CBFA2T2: variants seen among roughly 807,000 people sequenced by gnomAD.
The protein encoded by CBFA2T2 is protein CBFA2T2.
A neutral mutation model predicts 62.2 loss-of-function variants in CBFA2T2; 11 were observed. That is an observed-to-expected ratio of 0.18 (90% CI 0.11 to 0.29). The LOEUF (loss-of-function observed/expected upper bound fraction) is 0.29, where lower values mean the gene tolerates loss of function less well. Among genes scored for constraint, CBFA2T2 ranks in the 10% least tolerant of loss-of-function variants. CBFA2T2 has a pLI of 1.00. For synonymous variants in CBFA2T2, 295 were observed against 287.5 expected (o/e 1.03, Z -0.27); for missense variants, 592 against 774.1 (o/e 0.76, Z 2.79).
chr20:33,553,527 C>T (rs1271328068), intron 1 of CBFA2T2, among the ~76,000 whole-genome samples: 1 of 152,230 alleles, frequency 6.6e-6, no homozygotes, highest in Non-Finnish European at 1.5e-5. Flanking sequence ...CCACCATGCC[C>T]AGCCAGAGTT....
At chr20:33,513,308 G>A (rs574530532) in intron 1 of CBFA2T2, among the ~76,000 whole-genome samples, 6 of 151,524 alleles carry the variant, frequency 4.0e-5, no homozygotes, top group East Asian at 1.9e-4. Flanking sequence ...GCATACAGTC[G>A]TGAAGAAAAC....
chr20:33,576,285 A>G (rs1331636244), intron 1 of CBFA2T2, among the ~76,000 whole-genome samples: 1 of 152,120 alleles, frequency 6.6e-6, no homozygotes, highest in Non-Finnish European at 1.5e-5. Context: ...CTTAATATCT[A>G]GCAGAGGTCT....
At chr20:33,610,911 G>T (rs1459829620) in intron 2 of CBFA2T2, among the ~76,000 whole-genome samples, 183 bp from the exon 3 acceptor site, 2 of 152,094 alleles carry the variant, frequency 1.3e-5, no homozygotes, top group African/African-American at 2.4e-5. Context: ...ACGCTCCAGT[G>T]TTACTCTGTT....
At chr20:33,508,392 G>A (rs1312728108) in intron 1 of CBFA2T2, among the ~76,000 whole-genome samples, 3 of 152,052 alleles carry the variant, frequency 2.0e-5, no homozygotes, top group Admixed American at 1.3e-4. Context: ...ACTGCACCCC[G>A]CCTGCCTTTG....
chr20:33,603,307 G>A (rs1299661092), intron 1 of CBFA2T2, among the ~76,000 whole-genome samples: 2 of 152,098 alleles, frequency 1.3e-5, no homozygotes. Context: ...TCTGTTTTCT[G>A]TTTTCAGGAT....
At chr20:33,614,807 A>G (rs1018007590) in intron 3 of CBFA2T2, among the ~76,000 whole-genome samples, 12 of 152,174 alleles carry the variant, frequency 7.9e-5, no homozygotes, top group Admixed American at 3.3e-4. Flanking sequence ...TAATTCCCCA[A>G]TGGACACATG....
In CBFA2T2 at chr20:33,634,670, C is replaced by CAAA. The variant is rs758089440; in HGVS notation, c.1229-1946_1229-1944dup. ...GGGCAACAGAGCAAGACCCTATGTC[C>CAAA]AAAAAAAAAAAAAAAAAAAAAAAAA... On this transcript the variant is annotated intron_variant, in intron 8 of 10. Transcript: ENST00000342704. 2.2e-3 allele frequency among the ~76,000 whole-genome samples: 107 copies of CAAA among 47,914 alleles called. 5 individuals carry two copies. The highest frequency in any genetic ancestry group is 4.1e-3 in the African/African-American group (77 of 18,830). 31.4% of individuals were successfully genotyped at this position (47,914 alleles called of 152,430 possible).
At chr20:33,547,355 C>T (rs868861829) in intron 1 of CBFA2T2, among the ~76,000 whole-genome samples, 5 of 151,896 alleles carry the variant, frequency 3.3e-5, no homozygotes, top group Admixed American at 2.0e-4. Context: ...GATTGGGTCA[C>T]AGCACTCCAG....
chr20:33,575,722 C>T (rs2013791176), intron 1 of CBFA2T2, among the ~76,000 whole-genome samples: 1 of 152,086 alleles, frequency 6.6e-6, no homozygotes, highest in Non-Finnish European at 1.5e-5. Flanking sequence ...GACAGACAGG[C>T]ACAGAAACAA....
At chr20:33,547,374 A>G (rs994806061) in intron 1 of CBFA2T2, among the ~76,000 whole-genome samples, 7 of 152,114 alleles carry the variant, frequency 4.6e-5, no homozygotes, top group African/African-American at 1.7e-4. Flanking sequence ...AGCCTGGGTA[A>G]CACATCTCTG....
chr20:33,559,986 T>G (rs2013032895), intron 1 of CBFA2T2, among the ~76,000 whole-genome samples: 1 of 152,230 alleles, frequency 6.6e-6, no homozygotes, highest in Non-Finnish European at 1.5e-5. Flanking sequence ...TGCTTCCTTT[T>G]ATTGGAAAAT....
At chr20:33,553,277 T>C (rs924730686) in intron 1 of CBFA2T2, among the ~76,000 whole-genome samples, 2 of 152,108 alleles carry the variant, frequency 1.3e-5, no homozygotes, top group African/African-American at 4.8e-5. Context: ...CAGGCGGGAG[T>C]GCAATGGTGC....
chr20:33,547,430 C>G (rs552486649), intron 1 of CBFA2T2, among the ~76,000 whole-genome samples: 2 of 152,020 alleles, frequency 1.3e-5, no homozygotes, highest in Admixed American at 1.3e-4. Context: ...ATGGCCAGTG[C>G]TGTTGCTCAT....
At chr20:33,570,868 T>C (rs2013533905) in intron 1 of CBFA2T2, among the ~76,000 whole-genome samples, 1 of 152,258 alleles carries the variant, frequency 6.6e-6, no homozygotes, top group African/African-American at 2.4e-5. Flanking sequence ...TAAGTTTTCT[T>C]GCACTGTGAA....
At chr20:33,616,088 GATA>G (rs1421912950) in intron 3 of CBFA2T2, among the ~76,000 whole-genome samples, 5 of 137,756 alleles carry the variant, frequency 3.6e-5, no homozygotes, top group Non-Finnish European at 3.2e-5. Context: ...GAGATAGATA[GATA>G]GATAGATAGA....
At chr20:33,501,016 A>G (rs963434165) in intron 1 of CBFA2T2, among the ~76,000 whole-genome samples, 3 of 152,236 alleles carry the variant, frequency 2.0e-5, no homozygotes, top group Admixed American at 6.5e-5. Flanking sequence ...AGACTATGCA[A>G]TGAAGCTTTA....
intron 4 of CBFA2T2, 112 bp from the exon 5 acceptor site, chr20:33,623,003 C>T: frequency 3.2e-6 from 3 of 949,946 alleles, no homozygotes; most frequent in Non-Finnish European, 4.7e-6. Context: ...AATCAGACTG[C>T]CAAGGAGAGA....
In CBFA2T2 at chr20:33,648,914, A is replaced by G. The variant is rs944357133; in HGVS notation, c.*4268A>G. On this transcript the variant is annotated 3_prime_UTR_variant, in exon 11 of 11. Transcript: ENST00000342704. The stretch of plus-strand genomic sequence containing the variant: ...GGCTTGTCACCTGCTTGCAAAGGGT[A>G]TAGACATCATTCTGGGTAGTTCTAG... 2 of 152,112 alleles carry G rather than the reference A, an allele frequency of 1.3e-5. No homozygotes were observed. The highest frequency in any genetic ancestry group is 2.9e-5 in the Non-Finnish European group (2 of 68,048). 9.4% of individuals were successfully genotyped at this position (152,112 alleles called of 1,614,324 possible).
At chr20:33,507,501 C>G (rs893481776) in intron 1 of CBFA2T2, among the ~76,000 whole-genome samples, 1 of 152,136 alleles carries the variant, frequency 6.6e-6, no homozygotes, top group African/African-American at 2.4e-5. Context: ...ATGTATTTAG[C>G]TAATTTAACA....
Sources: allele counts gnomAD v4.1 joint callset (sites outside exome capture counted in the v4.1 genomes callset), GRCh38; gene constraint gnomAD v4.1.1; transcripts MANE v1.5; gene names NCBI Gene and HGNC (gene_info 2026-07-23, HGNC 2026-07-21).